The following ACVR1 variants were observed in gnomAD, a reference collection of about 807,000 sequenced individuals.
ACVR1 encodes the protein activin receptor type-1.
Under a neutral mutation model 57.1 loss-of-function variants are expected in ACVR1, and 38 were observed. The observed-to-expected ratio is 0.67, with a 90% CI of 0.51 to 0.87. The LOEUF is 0.87. Ranked by LOEUF, ACVR1 falls within the 40% of genes least tolerant of loss-of-function variation. ACVR1 has a pLI of 0.00. For synonymous variants in ACVR1, 212 were observed against 228.1 expected, an observed-to-expected ratio of 0.93 and a Z score of 0.63; for missense variants, 463 against 638.2, an observed-to-expected ratio of 0.73 and a Z score of 2.96.
At chr2:157,756,322 T>C (rs1345681909) in intron 9 of ACVR1, among the ~76,000 whole-genome samples, 1 of 151,308 alleles carries the variant, frequency 6.6e-6, no homozygotes, top group African/African-American at 2.4e-5. Context: ...TGGGACTTAA[T>C]TAAAGAGCTT....
intron 8 of ACVR1, among the ~76,000 whole-genome samples, chr2:157,761,821 A>C (rs1182701574): frequency 6.6e-6 from 1 of 152,198 alleles, no homozygotes; most frequent in East Asian, 1.9e-4. Context: ...ATTTTATGTT[A>C]CTGATGCATA....
rs111840363 is a variant in ACVR1, at chr2:157,770,299, G to A, written c.790+69C>T. ...CTCTCGAATTCACATTCACCAAAAC[G>A]GAGAGAGCAAAGGCAGACAATTGTT... is the stretch of plus-strand genomic sequence containing the variant. On this transcript the variant is annotated intron_variant, in intron 7 of 10. Transcript: ENST00000434821. The A allele has an allele frequency of 4.9e-4, 772 of 1,570,028 alleles. 2 individuals carry two copies. The African/African-American group carries it at 8.5e-3, about 17-fold the overall frequency.
intron 2 of ACVR1, among the ~76,000 whole-genome samples, chr2:157,808,180 T>C (rs1388911944): frequency 6.6e-6 from 1 of 152,272 alleles, no homozygotes; most frequent in South Asian, 2.1e-4. Context: ...AATAAATAAA[T>C]TTTTTATTGT....
At chr2:157,747,913 C>T (rs1323138514) in intron 9 of ACVR1, among the ~76,000 whole-genome samples, 1 of 152,160 alleles carries the variant, frequency 6.6e-6, no homozygotes, top group Non-Finnish European at 1.5e-5. Flanking sequence ...AATCAAACCA[C>T]ATTACAGCAC....
intron 1 of ACVR1, among the ~76,000 whole-genome samples, chr2:157,855,583 C>T (rs994826310): frequency 6.6e-6 from 1 of 151,998 alleles, no homozygotes; most frequent in African/African-American, 2.4e-5. Flanking sequence ...AAAGCACCTT[C>T]CCTAGAAGAA....
intron 1 of ACVR1, among the ~76,000 whole-genome samples, chr2:157,823,931 T>G (rs1688245479): frequency 6.6e-6 from 1 of 152,194 alleles, no homozygotes; most frequent in Non-Finnish European, 1.5e-5. Context: ...CAACAGGTTC[T>G]GAGATGGGTC....
chr2:157,869,591 G>A (rs922415568), intron 1 of ACVR1, among the ~76,000 whole-genome samples: 3 of 152,204 alleles, frequency 2.0e-5, no homozygotes, highest in African/African-American at 7.2e-5. Context: ...ATGTGTTTGT[G>A]TGTGTACCAG....
At chr2:157,841,714 C>T (rs2105355818) in intron 1 of ACVR1, among the ~76,000 whole-genome samples, 1 of 152,140 alleles carries the variant, frequency 6.6e-6, no homozygotes, top group South Asian at 2.1e-4. Flanking sequence ...CATGGCAAGA[C>T]CCCATCTCTT....
intron 2 of ACVR1, among the ~76,000 whole-genome samples, chr2:157,802,188 T>G (rs1450007055): frequency 6.6e-6 from 1 of 151,746 alleles, no homozygotes; most frequent in East Asian, 1.9e-4. Flanking sequence ...AGGAAAAGGG[T>G]AAGTGTGTTG....
At chr2:157,757,008 T>G (rs867976333) in intron 9 of ACVR1, among the ~76,000 whole-genome samples, 4 of 134,722 alleles carry the variant, frequency 3.0e-5, no homozygotes, top group South Asian at 4.4e-4. Context: ...ATATTTGAGA[T>G]ATATATATAT....
chr2:157,840,387 A>C (rs1002432697), intron 1 of ACVR1, among the ~76,000 whole-genome samples: 10 of 152,248 alleles, frequency 6.6e-5, no homozygotes, highest in African/African-American at 2.2e-4. Context: ...GCATCCAGGA[A>C]TCAACATAAA....
intron 1 of ACVR1, among the ~76,000 whole-genome samples, chr2:157,833,014 T>C (rs909767790): frequency 6.6e-6 from 1 of 152,214 alleles, no homozygotes; most frequent in African/African-American, 2.4e-5. Flanking sequence ...TAAAATGTGC[T>C]CTATTTATCC....
rs377466501 is a variant in ACVR1, at chr2:157,780,561, A to G, written c.107T>C (p.Val36Ala). ...PKVNPKLYMC[V>A]CEGLSCGNED... ...ATTACCGCAGGAGAGACCTTCACACACACACATGTAGAGTTTGGGGTTGAC... is the reference window on the plus strand; with the variant it reads ...ATTACCGCAGGAGAGACCTTCACACGCACACATGTAGAGTTTGGGGTTGAC... Residue 36 changes from valine to alanine, a missense_variant, in exon 4 of 11, where the codon GTG becomes GCG. Coordinates refer to ENST00000434821, the MANE Select transcript of ACVR1 (RefSeq NM_001111067.4). The G allele has an allele frequency of 7.4e-6, 12 of 1,613,944 alleles. No homozygotes were observed. In the South Asian group the frequency reaches 1.3e-4, roughly 18 times the overall value.
intron 1 of ACVR1, among the ~76,000 whole-genome samples, chr2:157,847,831 G>A (rs1162444040): frequency 3.3e-5 from 5 of 152,130 alleles, no homozygotes; most frequent in Non-Finnish European, 7.4e-5. Context: ...AACTGGGGAG[G>A]GGGCGAGGAG....
intron 3 of ACVR1, among the ~76,000 whole-genome samples, chr2:157,785,303 T>C (rs1686673884): frequency 6.6e-6 from 1 of 152,246 alleles, no homozygotes; most frequent in South Asian, 2.1e-4. Context: ...CTGGACTCCT[T>C]CCAACACTCT....
intron 1 of ACVR1, among the ~76,000 whole-genome samples, chr2:157,867,425 C>T (rs544229035): frequency 2.0e-5 from 3 of 152,208 alleles, no homozygotes; most frequent in African/African-American, 7.2e-5. Context: ...AACAAACAAA[C>T]CTGTCAGTGC....
At chr2:157,798,309 C>T (rs1470518592) in intron 3 of ACVR1, among the ~76,000 whole-genome samples, 1 of 151,586 alleles carries the variant, frequency 6.6e-6, no homozygotes, top group Non-Finnish European at 1.5e-5. Context: ...TTTAATTCTA[C>T]CAAAATCTGT....
At chr2:157,820,647 C>T (rs1031727526) in intron 1 of ACVR1, among the ~76,000 whole-genome samples, 3 of 151,876 alleles carry the variant, frequency 2.0e-5, no homozygotes, top group Non-Finnish European at 4.4e-5. Flanking sequence ...ATCTTCACTG[C>T]ATGGAACTCC....
At chr2:157,832,632 A>G (rs2105346121) in intron 1 of ACVR1, among the ~76,000 whole-genome samples, 1 of 152,120 alleles carries the variant, frequency 6.6e-6, no homozygotes, top group African/African-American at 2.4e-5. Flanking sequence ...TACTCTCCTC[A>G]AGTGTCACTC....
Sources: gnomAD v4.1 joint callset for allele counts (sites outside exome capture counted in the v4.1 genomes callset) on GRCh38, gnomAD v4.1.1 for gene constraint, MANE v1.5 for transcripts, NCBI Gene and HGNC (gene_info 2026-07-23, HGNC 2026-07-21) for gene names.